DPP6: variants seen among roughly 807,000 people sequenced by gnomAD.
DPP6 encodes A-type potassium channel modulatory protein DPP6.
A neutral mutation model predicts 122.6 loss-of-function variants in DPP6; 69 were observed. The observed-to-expected ratio is 0.56, with a 90% CI of 0.46 to 0.69. DPP6 has a LOEUF of 0.69. DPP6 is among the 30% of genes least tolerant of loss of function. The pLI, the probability that DPP6 is intolerant of heterozygous loss-of-function variation, is 0.00. For missense variants in DPP6, 928 were observed against 1,116.9 expected (o/e 0.83, Z 2.41); for synonymous variants, 418 against 433.1 (o/e 0.97, Z 0.43).
chr7:153,902,817 CAA>C (rs1470536709), intron 1 of DPP6, among the ~76,000 whole-genome samples: 1 of 151,534 alleles, frequency 6.6e-6, no homozygotes, highest in Non-Finnish European at 1.5e-5. Flanking sequence ...GCCTGGGTAA[CAA>C]GAGTGAAACC....
intron 7 of DPP6, among the ~76,000 whole-genome samples, chr7:154,702,182 G>C (rs1407594064): frequency 6.6e-6 from 1 of 152,216 alleles, no homozygotes; most frequent in African/African-American, 2.4e-5. Context: ...AACATTGTGT[G>C]TTCTGACTGC....
intron 6 of DPP6, among the ~76,000 whole-genome samples, chr7:154,664,864 C>T (rs1838049106): frequency 6.6e-6 from 1 of 152,132 alleles, no homozygotes; most frequent in African/African-American, 2.4e-5. Flanking sequence ...TCTCATGTCA[C>T]CACTCCTAGT....
chr7:154,377,046 A>G (rs1419253120), intron 1 of DPP6, among the ~76,000 whole-genome samples: 1 of 152,160 alleles, frequency 6.6e-6, no homozygotes, highest in Non-Finnish European at 1.5e-5. Context: ...TAAAAAACCT[A>G]ACAGTTGTTG....
chr7:154,184,531 A>G (rs1798257494), intron 1 of DPP6, among the ~76,000 whole-genome samples: 1 of 152,040 alleles, frequency 6.6e-6, no homozygotes, highest in African/African-American at 2.4e-5. Context: ...CAGACGTCCT[A>G]GCAGCTGCAA....
chr7:154,797,580 A>G (rs1161120917), intron 12 of DPP6, among the ~76,000 whole-genome samples: 2 of 152,190 alleles, frequency 1.3e-5, no homozygotes, highest in African/African-American at 2.4e-5. Flanking sequence ...TATATAAAAT[A>G]TCCAGAATAA....
chr7:153,892,546 T>C (rs765813356), intron 1 of DPP6, among the ~76,000 whole-genome samples: 28 of 152,150 alleles, frequency 1.8e-4, no homozygotes, highest in Non-Finnish European at 3.1e-4. Flanking sequence ...ACTCCTGACG[T>C]CAGGTGGTCT....
At chr7:154,643,018 T>G (rs1057435653) in intron 6 of DPP6, among the ~76,000 whole-genome samples, 5 of 152,214 alleles carry the variant, frequency 3.3e-5, no homozygotes, top group African/African-American at 1.2e-4. Context: ...GTCTTATAAT[T>G]AAATATTATC....
the DPP6 span, among the ~76,000 whole-genome samples, chr7:153,836,034 G>A: frequency 3.9e-5 from 6 of 152,182 alleles, no homozygotes; most frequent in African/African-American, 1.4e-4. Context: ...GCCCTAATTT[G>A]TCCTCTCCTT....
intron 1 of DPP6, chr7:154,026,959 A>T (rs1254811447): frequency 8.8e-5 from 13 of 147,726 alleles, no homozygotes; most frequent in Non-Finnish European, 1.5e-5. Flanking sequence ...ATGAATATAA[A>T]ATCAGAATCC....
At chr7:153,808,996 C>G in the DPP6 span, among the ~76,000 whole-genome samples, 1 of 152,042 alleles carries the variant, frequency 6.6e-6, no homozygotes, top group Non-Finnish European at 1.5e-5. Flanking sequence ...ATGACTATAA[C>G]AATTTGCAGT....
chr7:154,184,226 T>A (rs542922661), intron 1 of DPP6, among the ~76,000 whole-genome samples: 1 of 150,376 alleles, frequency 6.6e-6, no homozygotes, highest in East Asian at 1.9e-4. Flanking sequence ...CAGGATATGC[T>A]CTTTAATCTA....
chr7:153,849,731 G>T, the DPP6 span, among the ~76,000 whole-genome samples: 1 of 152,062 alleles, frequency 6.6e-6, no homozygotes, highest in South Asian at 2.1e-4. Context: ...TCACCAACAT[G>T]CAGTATTCTT....
At chr7:153,817,684 C>G in the DPP6 span, among the ~76,000 whole-genome samples, 1 of 145,222 alleles carries the variant, frequency 6.9e-6, no homozygotes, top group Admixed American at 7.3e-5. Flanking sequence ...CCAAACACCA[C>G]ATGTTCTCAC....
rs774347079 is a variant in DPP6 at position 154,772,878 on chromosome 7, G to A, written c.1072G>A (p.Val358Ile). Residue 358 changes from valine to isoleucine, a missense_variant, in exon 10 of 26, where the codon GTT becomes ATT. By Grantham distance (29) the Val-to-Ile change is conservative. Coordinates refer to ENST00000377770, the MANE Select transcript of DPP6 (RefSeq NM_130797.4). Reference sequence around the variant, plus strand: ...TGAGAACCCCAGCATTTCCCTACACGTTATTGGCTTAAATGGACCCACCCA... The same window carrying A: ...TGAGAACCCCAGCATTTCCCTACACATTATTGGCTTAAATGGACCCACCCA... The part of the protein sequence containing the change: ...GSENPSISLH[V>I]IGLNGPTHDL... 5.0e-6 allele frequency: 8 copies of A among 1,612,422 alleles called. No homozygotes were observed. The highest frequency in any genetic ancestry group is 1.7e-5 in the Admixed American group (1 of 59,864).
intron 1 of DPP6, among the ~76,000 whole-genome samples, chr7:154,122,543 G>A (rs572455185): frequency 2.6e-5 from 4 of 152,278 alleles, no homozygotes; most frequent in South Asian, 2.1e-4. Flanking sequence ...CTGTTTCCTA[G>A]TCTCTGTGAG....
At chr7:154,417,216 G>A (rs1817101297) in intron 1 of DPP6, among the ~76,000 whole-genome samples, 1 of 152,170 alleles carries the variant, frequency 6.6e-6, no homozygotes, top group African/African-American at 2.4e-5. Flanking sequence ...CTGACTCGCT[G>A]ACATGGAAAT....
chr7:154,682,917 CT>C (rs1329540408), intron 7 of DPP6, among the ~76,000 whole-genome samples: 1 of 37,366 alleles, frequency 2.7e-5, no homozygotes, highest in African/African-American at 4.8e-5. Flanking sequence ...TGACAGACCA[CT>C]TTGGTTTTTT....
intron 16 of DPP6, among the ~76,000 whole-genome samples, chr7:154,840,273 A>C (rs563539829): frequency 6.6e-6 from 1 of 152,226 alleles, no homozygotes; most frequent in Non-Finnish European, 1.5e-5. Context: ...GCAGGTGGCC[A>C]TGGCGAGGTG....
At chr7:154,568,457 C>T (rs1014369788) in intron 5 of DPP6, among the ~76,000 whole-genome samples, 1 of 152,178 alleles carries the variant, frequency 6.6e-6, no homozygotes, top group Non-Finnish European at 1.5e-5. Flanking sequence ...TTCCCAGAAG[C>T]CTCAAAACAA....
Sources: allele counts gnomAD v4.1 joint callset (sites outside exome capture counted in the v4.1 genomes callset), GRCh38; gene constraint gnomAD v4.1.1; transcripts MANE v1.5; gene names NCBI Gene and HGNC (gene_info 2026-07-23, HGNC 2026-07-21).